The following COL14A1 variants were observed in gnomAD, a reference collection of about 807,000 sequenced individuals.
The protein encoded by COL14A1 is collagen alpha-1(XIV) chain.
COL14A1 carries 136 observed loss-of-function variants against 230.3 expected under a neutral mutation model. That is an observed-to-expected ratio of 0.59 (90% CI 0.51 to 0.68). COL14A1 has a LOEUF of 0.68. Ranked by LOEUF, COL14A1 falls within the 30% of genes least tolerant of loss-of-function variation. The pLI is 0.00. For missense variants in COL14A1, 1,976 were observed against 2,215.8 expected (o/e 0.89, Z 2.17); for synonymous variants, 792 against 784.1 (o/e 1.01, Z -0.17).
chr8:120,315,833 A>G (rs868757948), intron 39 of COL14A1, 111 bp from the exon 40 acceptor site: 2 of 1,110,454 alleles, frequency 1.8e-6, no homozygotes, highest in Middle Eastern at 5.7e-4. Context: ...CAAAGGGTTC[A>G]CCATTATGCT....
At position 120,310,070 on chromosome 8, in the gene COL14A1, G is replaced by C; in HGVS notation, c.4455+8G>C. On this transcript the variant is annotated splice_region_variant and intron_variant, in intron 37 of 47. Coordinates refer to ENST00000297848, the MANE Select transcript of COL14A1 (RefSeq NM_021110.4). Reference sequence around the variant, plus strand: ...GGTGAACCGGGTCCAAAGGTAATGCGCATGTTTTCTCTCTCTCTCTGTCTC... The same window carrying C: ...GGTGAACCGGGTCCAAAGGTAATGCCCATGTTTTCTCTCTCTCTCTGTCTC... 6.2e-7 allele frequency: 1 copy of C among 1,612,540 alleles called. No individual in the cohort carries two copies. The highest frequency in any genetic ancestry group is 8.5e-7 in the Non-Finnish European group (1 of 1,178,904).
intron 26 of COL14A1, among the ~76,000 whole-genome samples, chr8:120,271,204 C>A (rs569048760): frequency 6.6e-6 from 1 of 151,470 alleles, no homozygotes; most frequent in African/African-American, 2.4e-5. Flanking sequence ...AAGGGAAGAG[C>A]AAACACCAGG....
chr8:120,161,724 G>A (rs977879523), intron 3 of COL14A1, among the ~76,000 whole-genome samples: 8 of 152,008 alleles, frequency 5.3e-5, no homozygotes, highest in Non-Finnish European at 1.2e-4. Flanking sequence ...GTGCAGTGGC[G>A]CAATATCGGC....
intron 14 of COL14A1, among the ~76,000 whole-genome samples, chr8:120,217,120 A>G (rs915849845): frequency 1.3e-5 from 2 of 152,180 alleles, no homozygotes; most frequent in African/African-American, 4.8e-5. Flanking sequence ...GCAGCCTGCC[A>G]CAGGGGATGG....
At chr8:120,292,965 A>G (rs2129979100) in intron 34 of COL14A1, among the ~76,000 whole-genome samples, 1 of 152,216 alleles carries the variant, frequency 6.6e-6, no homozygotes, top group Non-Finnish European at 1.5e-5. Flanking sequence ...AACAGTCTCT[A>G]CTGGGGCTAA....
intron 45 of COL14A1, among the ~76,000 whole-genome samples, chr8:120,346,710 T>C (rs946267526): frequency 2.0e-5 from 3 of 152,180 alleles, no homozygotes; most frequent in Non-Finnish European, 4.4e-5. Flanking sequence ...GAAATTGTTA[T>C]TGATCACCCC....
chr8:120,295,159 G>C (rs1261306125), intron 34 of COL14A1, among the ~76,000 whole-genome samples: 2 of 151,796 alleles, frequency 1.3e-5, no homozygotes, highest in East Asian at 1.9e-4. Context: ...ATGGATAAAT[G>C]ATTTGCAGAC....
At chr8:120,329,815 C>T (rs1821806246) in intron 40 of COL14A1, among the ~76,000 whole-genome samples, 1 of 151,978 alleles carries the variant, frequency 6.6e-6, no homozygotes, top group South Asian at 2.1e-4. Flanking sequence ...TTCTAATAAA[C>T]AACCCTAAAA....
intron 44 of COL14A1, among the ~76,000 whole-genome samples, chr8:120,342,945 T>A (rs1367227266): frequency 6.6e-6 from 1 of 152,258 alleles, no homozygotes; most frequent in Non-Finnish European, 1.5e-5. Flanking sequence ...TTTCTTAAGA[T>A]GTTTATGAAA....
chr8:120,124,582 G>A (rs1814254192), upstream of COL14A1, among the ~76,000 whole-genome samples: 1 of 152,186 alleles, frequency 6.6e-6, no homozygotes, highest in African/African-American at 2.4e-5. Flanking sequence ...GCACCTTAAA[G>A]TTTGAGCATC....
intron 37 of COL14A1, among the ~76,000 whole-genome samples, chr8:120,312,177 A>G (rs1480848301): frequency 2.6e-5 from 4 of 152,124 alleles, no homozygotes; most frequent in Non-Finnish European, 5.9e-5. Context: ...ACTAAGTAAT[A>G]CATAAAAATT....
At chr8:120,358,927 C>T (rs1045304871) in intron 45 of COL14A1, among the ~76,000 whole-genome samples, 5 of 151,994 alleles carry the variant, frequency 3.3e-5, no homozygotes, top group Non-Finnish European at 7.4e-5. Flanking sequence ...TTCATTAATC[C>T]TTTCCATTTT....
chr8:120,213,324 A>G (rs180977957), intron 13 of COL14A1, among the ~76,000 whole-genome samples: 1 of 152,320 alleles, frequency 6.6e-6, no homozygotes, highest in African/African-American at 2.4e-5. Context: ...CTTTTGAAAC[A>G]TAAGAAAGTG....
At chr8:120,329,794 T>C (rs1472657286) in intron 40 of COL14A1, among the ~76,000 whole-genome samples, 1 of 152,140 alleles carries the variant, frequency 6.6e-6, no homozygotes, top group Non-Finnish European at 1.5e-5. Context: ...TATTTCAGGA[T>C]TGGACAGCAA....
Position 120,316,123 on chromosome 8 carries a change from T to C in COL14A1, c.4659+126T>C. The C allele has an allele frequency of 1.5e-5, 12 of 818,334 alleles. No homozygotes were observed. In the South Asian group the frequency reaches 1.7e-4, roughly 11 times the overall value. 50.7% of individuals were successfully genotyped at this position (818,334 alleles called of 1,614,324 possible). ...TTTGCTTTTTGTTTTCTCCTGTTTA[T>C]GTATTTTCCACCTATCCTGCACTAT... On this transcript the variant is annotated intron_variant, in intron 40 of 47. Coordinates refer to ENST00000297848, the MANE Select transcript of COL14A1 (RefSeq NM_021110.4).
At chr8:120,293,718 G>A (rs1820440929) in intron 34 of COL14A1, among the ~76,000 whole-genome samples, 1 of 151,786 alleles carries the variant, frequency 6.6e-6, no homozygotes, top group Admixed American at 6.6e-5. Context: ...AGTTTGGTTT[G>A]TACTAGAGAC....
chr8:120,271,280 T>G (rs973171430), intron 26 of COL14A1, among the ~76,000 whole-genome samples: 2 of 151,456 alleles, frequency 1.3e-5, no homozygotes, highest in African/African-American at 4.8e-5. Context: ...GGTAACATGC[T>G]GAATATCTGG....
intron 2 of COL14A1, among the ~76,000 whole-genome samples, chr8:120,153,254 G>A (rs1254148812): frequency 6.6e-6 from 1 of 152,152 alleles, no homozygotes; most frequent in Non-Finnish European, 1.5e-5. Flanking sequence ...GTGCAGTGGT[G>A]CGATCATGGC....
At position 120,167,285 on chromosome 8, in the gene COL14A1, G is replaced by C. The variant is rs143580425; in HGVS notation, c.350-876G>C. 6.1e-3 allele frequency among the ~76,000 whole-genome samples: 922 copies of C among 152,244 alleles called. 7 individuals carry two copies. Among genetic ancestry groups the C allele is most frequent in the African/African-American group, 0.02 (840 of 41,548 alleles). ...TATCCTGGAGAAGGCAGCAAGGGTG[G>C]TTCAGAGGAAATCATTGTTTCCCCT... On this transcript the variant is annotated intron_variant, in intron 4 of 47. Transcript: ENST00000297848.
Sources: gnomAD v4.1 joint callset for allele counts (sites outside exome capture counted in the v4.1 genomes callset) on GRCh38, gnomAD v4.1.1 for gene constraint, MANE v1.5 for transcripts, NCBI Gene and HGNC (gene_info 2026-07-23, HGNC 2026-07-21) for gene names.